Variants in FNBP1L observed in about 807,000 individuals in gnomAD.
FNBP1L encodes the protein formin-binding protein 1-like.
In FNBP1L, 36 loss-of-function variants were observed where a neutral mutation model predicts 91.2. That is an observed-to-expected ratio of 0.39 (90% CI 0.30 to 0.52). FNBP1L has a LOEUF of 0.52. Ranked by LOEUF, FNBP1L falls within the 20% of genes least tolerant of loss-of-function variation. The pLI is 0.66. For missense variants in FNBP1L, 571 were observed against 732.1 expected, an observed-to-expected ratio of 0.78 and a Z score of 2.54; for synonymous variants, 242 against 237.0, an observed-to-expected ratio of 1.02 and a Z score of -0.19.
chr1:93,485,169 GGAAA>G (rs1474886040), intron 1 of FNBP1L, among the ~76,000 whole-genome samples: 3 of 126,672 alleles, frequency 2.4e-5, no homozygotes, highest in African/African-American at 8.2e-5. Flanking sequence ...AAAAAAAAAA[GGAAA>G]GAAAGGTAGT....
chr1:93,540,642 A>G (rs237439), intron 10 of FNBP1L, among the ~76,000 whole-genome samples: 77,859 of 151,850 alleles, frequency 0.51, 21,841 homozygotes, highest in East Asian at 0.63. Context: ...AATATTTCAC[A>G]TAAGATTTCT....
rs561707047 is a variant in FNBP1L at position 93,469,047 on chromosome 1, A to G, written c.24+20742A>G. On this transcript the variant is annotated intron_variant, in intron 1 of 16. Transcript: ENST00000271234. ...TTTCTTGTGCTTATTGTTCATTTGT[A>G]TATCTTTCCTAAAGAAATACCTGCT... 1.2e-3 allele frequency among the ~76,000 whole-genome samples: 190 copies of G among 152,180 alleles called. 1 individual carries two copies. The Middle Eastern group carries it at 0.017, about 14-fold the overall frequency.
At chr1:93,515,654 C>CT (rs1462718372) in intron 2 of FNBP1L, among the ~76,000 whole-genome samples, 2 of 150,882 alleles carry the variant, frequency 1.3e-5, no homozygotes, top group African/African-American at 4.9e-5. Context: ...TCTCAGTAAA[C>CT]TATCGCAAGC....
intron 2 of FNBP1L, among the ~76,000 whole-genome samples, chr1:93,505,332 G>C (rs377188533): frequency 6.6e-6 from 1 of 152,128 alleles, no homozygotes; most frequent in South Asian, 2.1e-4. Context: ...AGAGTACACC[G>C]AACAAAGGAG....
At chr1:93,521,045 A>AAACCAACC (rs56108498) in intron 2 of FNBP1L, among the ~76,000 whole-genome samples, 17 of 150,816 alleles carry the variant, frequency 1.1e-4, no homozygotes, top group South Asian at 8.4e-4. Context: ...CCATCTCAAT[A>AAACCAACC]AACCAACCAA....
At chr1:93,489,783 T>C (rs977940745) in intron 1 of FNBP1L, among the ~76,000 whole-genome samples, 1 of 152,226 alleles carries the variant, frequency 6.6e-6, no homozygotes, top group Non-Finnish European at 1.5e-5. Flanking sequence ...TCTTTGAGGA[T>C]AGACATGGTT....
In FNBP1L at chr1:93,473,138, CTT is replaced by C. The variant is rs912848634; in HGVS notation, c.24+24836_24+24837del. Among the ~76,000 whole-genome samples, 3 of 151,830 alleles carry C rather than the reference CTT, an allele frequency of 2.0e-5. No individual in the cohort carries two copies. In the East Asian group the frequency reaches 5.8e-4, roughly 29 times the overall value. On this transcript the variant is annotated intron_variant, in intron 1 of 16. Transcript: ENST00000271234. ...ATTTGTCTATTTCTTTTTTTCATCT[CTT>C]TTATAATTATTGTATCTTGCTCTGT... is the stretch of plus-strand genomic sequence containing the variant.
intron 1 of FNBP1L, among the ~76,000 whole-genome samples, chr1:93,450,259 G>A (rs539242271): frequency 2.0e-5 from 3 of 152,172 alleles, no homozygotes; most frequent in African/African-American, 7.2e-5. Context: ...CATTTAAAGA[G>A]TTTCTCAGCA....
At chr1:93,462,418 A>T (rs1443504772) in intron 1 of FNBP1L, among the ~76,000 whole-genome samples, 1 of 152,164 alleles carries the variant, frequency 6.6e-6, no homozygotes, top group African/African-American at 2.4e-5. Context: ...TGTTATAACT[A>T]ATGAACCAAT....
At chr1:93,448,692 C>T (rs1284431031) in intron 1 of FNBP1L, among the ~76,000 whole-genome samples, 2 of 151,832 alleles carry the variant, frequency 1.3e-5, no homozygotes, top group African/African-American at 4.8e-5. Context: ...CTCCCGGAGG[C>T]GGGGGAGGGG....
rs577936526 is a variant in FNBP1L, at chr1:93,448,676, T to G, written c.24+371T>G. On this transcript the variant is annotated intron_variant, in intron 1 of 16. Transcript: ENST00000271234. ...CCGGCGGCTCCTCTCTTCCTTTGTA[T>G]CTCTCCTCCCGGAGGCGGGGGAGGG... Among the ~76,000 whole-genome samples the G allele has an allele frequency of 7.2e-5, 11 of 152,032 alleles. No homozygotes were observed. The East Asian group carries it at 2.2e-3, about 30-fold the overall frequency.
At chr1:93,455,749 A>T (rs1168058863) in intron 1 of FNBP1L, among the ~76,000 whole-genome samples, 3 of 152,252 alleles carry the variant, frequency 2.0e-5, no homozygotes, top group Admixed American at 2.0e-4. Context: ...CTTCTAATTG[A>T]TGACAATGAT....
intron 2 of FNBP1L, among the ~76,000 whole-genome samples, chr1:93,503,285 A>G (rs1670497444): frequency 1.3e-5 from 2 of 152,146 alleles, no homozygotes; most frequent in South Asian, 4.1e-4. Flanking sequence ...TCTCGTGAGA[A>G]CTAACTCACT....
intron 13 of FNBP1L, 54 bp downstream of exon 13, chr1:93,547,028 A>G (rs1672265417): frequency 1.3e-6 from 2 of 1,522,228 alleles, no homozygotes; most frequent in South Asian, 2.5e-5. Flanking sequence ...AAACTTCATT[A>G]TGATAGATTG....
Position 93,536,420 on chromosome 1 carries a change from T to G in FNBP1L, c.1079T>G (p.Val360Gly). ...TTTCTCACATTCTCCATTGAGCCCG[T>G]GCATTATTGTATGAATGAAATAAAA... ...SQFLTFSIEP[V>G]HYCMNEIKTG... The change falls in exon 10 of 17, where the codon GTG becomes GGG. Residue 360 changes from valine to glycine, a missense_variant. Physicochemically the swap from Val to Gly is moderately radical, Grantham distance 109 (BLOSUM62 -3). Transcript: ENST00000271234. 1.3e-6 allele frequency: 2 copies of G among 1,550,848 alleles called. No homozygotes were observed. Among genetic ancestry groups the G allele is most frequent in the Non-Finnish European group, 8.7e-7 (1 of 1,146,418 alleles).
chr1:93,495,420 A>G (rs1570802214), intron 1 of FNBP1L, among the ~76,000 whole-genome samples: 1 of 152,224 alleles, frequency 6.6e-6, no homozygotes, highest in South Asian at 2.1e-4. Context: ...TGGAATTTTA[A>G]AAAGGAAATT....
At chr1:93,524,812 G>C (rs1270517780) in intron 5 of FNBP1L, among the ~76,000 whole-genome samples, 1 of 151,836 alleles carries the variant, frequency 6.6e-6, no homozygotes, top group Admixed American at 6.6e-5. Flanking sequence ...TTCCAGTTCA[G>C]TCATTGTATA....
intron 1 of FNBP1L, among the ~76,000 whole-genome samples, chr1:93,457,416 G>A (rs1668707046): frequency 6.6e-6 from 1 of 152,072 alleles, no homozygotes; most frequent in South Asian, 2.1e-4. Flanking sequence ...ATTTGCTTGG[G>A]GTCATTACTG....
At chr1:93,455,358 A>G (rs1350821075) in intron 1 of FNBP1L, among the ~76,000 whole-genome samples, 1 of 152,160 alleles carries the variant, frequency 6.6e-6, no homozygotes, top group African/African-American at 2.4e-5. Flanking sequence ...ATACCTAGCT[A>G]ATGTATCTTT....
Sources: allele counts gnomAD v4.1 joint callset (sites outside exome capture counted in the v4.1 genomes callset), GRCh38; gene constraint gnomAD v4.1.1; transcripts MANE v1.5; gene names NCBI Gene and HGNC (gene_info 2026-07-23, HGNC 2026-07-21).